The following GRID1 variants were observed in gnomAD, a reference collection of about 807,000 sequenced individuals.
GRID1 encodes the protein glutamate ionotropic receptor delta type subunit 1.
GRID1 carries 28 observed loss-of-function variants against 98.0 expected under a neutral mutation model. The observed-to-expected ratio is 0.29, with a 90% CI of 0.21 to 0.39. The LOEUF (loss-of-function observed/expected upper bound fraction) is 0.39, where lower values mean the gene tolerates loss of function less well. Ranked by LOEUF, GRID1 falls within the 10% of genes least tolerant of loss-of-function variation. The pLI, the probability that GRID1 is intolerant of heterozygous loss-of-function variation, is 1.00. For missense variants in GRID1, 1,111 were observed against 1,340.5 expected, an observed-to-expected ratio of 0.83 and a Z score of 2.67; for synonymous variants, 553 against 538.5, an observed-to-expected ratio of 1.03 and a Z score of -0.37.
At chr10:85,912,509 T>C (rs547998518) in intron 5 of GRID1, among the ~76,000 whole-genome samples, 1 of 149,690 alleles carries the variant, frequency 6.7e-6, no homozygotes, top group South Asian at 2.1e-4. Flanking sequence ...CAAGTGTTTA[T>C]TCTGAATCCA....
intron 5 of GRID1, among the ~76,000 whole-genome samples, chr10:85,913,527 C>A (rs1234781317): frequency 6.6e-6 from 1 of 152,196 alleles, no homozygotes; most frequent in Non-Finnish European, 1.5e-5. Flanking sequence ...TGGTGGCTCA[C>A]GCCTGTATCC....
chr10:85,636,808 C>T (rs1398781759), intron 13 of GRID1, among the ~76,000 whole-genome samples: 1 of 152,086 alleles, frequency 6.6e-6, no homozygotes, highest in Non-Finnish European at 1.5e-5. Context: ...CAAAGCCCTG[C>T]TTTTGGTGAT....
At chr10:86,156,702 G>T (rs1845250623) in intron 3 of GRID1, among the ~76,000 whole-genome samples, 1 of 152,224 alleles carries the variant, frequency 6.6e-6, no homozygotes, top group African/African-American at 2.4e-5. Context: ...GTGATTAATG[G>T]TGCTATGTGG....
At chr10:85,748,084 C>A (rs549997948) in intron 8 of GRID1, among the ~76,000 whole-genome samples, 1 of 152,074 alleles carries the variant, frequency 6.6e-6, no homozygotes, top group Non-Finnish European at 1.5e-5. Context: ...GGTGCACCTG[C>A]CCACCGTGAC....
chr10:85,801,289 T>C (rs1842574730), intron 8 of GRID1, among the ~76,000 whole-genome samples: 1 of 151,906 alleles, frequency 6.6e-6, no homozygotes, highest in East Asian at 1.9e-4. Context: ...TCATAGGCAA[T>C]TTTTACTAAA....
chr10:86,285,855 C>T (rs1437423671), intron 2 of GRID1, among the ~76,000 whole-genome samples: 3 of 152,164 alleles, frequency 2.0e-5, no homozygotes, highest in African/African-American at 7.2e-5. Flanking sequence ...TTTTTCTCAT[C>T]AACATTGTAA....
chr10:85,943,223 T>C (rs573645521), intron 4 of GRID1, among the ~76,000 whole-genome samples: 5 of 152,272 alleles, frequency 3.3e-5, no homozygotes, highest in Admixed American at 3.3e-4. Flanking sequence ...ATATGGGAAC[T>C]TTACAGAAAT....
At chr10:85,928,469 G>A (rs1841805910) in intron 4 of GRID1, among the ~76,000 whole-genome samples, 1 of 152,204 alleles carries the variant, frequency 6.6e-6, no homozygotes, top group Non-Finnish European at 1.5e-5. Context: ...ATCGGCACTG[G>A]CAGGCTTGGC....
intron 8 of GRID1, among the ~76,000 whole-genome samples, chr10:85,791,587 T>C (rs979182920): frequency 4.0e-5 from 6 of 151,880 alleles, no homozygotes; most frequent in African/African-American, 1.5e-4. Flanking sequence ...TGACAATATA[T>C]ATATGAACAG....
intron 3 of GRID1, among the ~76,000 whole-genome samples, chr10:86,202,293 A>G (rs564148172): frequency 9.8e-5 from 15 of 152,360 alleles, no homozygotes; most frequent in Middle Eastern, 3.4e-3. Context: ...AATACCTGGC[A>G]TGCGGTAGGG....
intron 6 of GRID1, among the ~76,000 whole-genome samples, chr10:85,864,111 T>C (rs34716099): frequency 0.27 from 41,492 of 152,082 alleles, 5,960 homozygotes; most frequent in African/African-American, 0.37. Context: ...AGGCAAACAG[T>C]AGGAACTGAC....
At chr10:86,104,905 T>C (rs563860906) in intron 4 of GRID1, among the ~76,000 whole-genome samples, 8 of 152,286 alleles carry the variant, frequency 5.3e-5, no homozygotes, top group South Asian at 4.1e-4. Context: ...AGGTACAGCA[T>C]TGAGAGCAGG....
intron 8 of GRID1, among the ~76,000 whole-genome samples, chr10:85,768,205 C>T (rs1193177578): frequency 1.3e-5 from 2 of 152,172 alleles, no homozygotes; most frequent in Non-Finnish European, 2.9e-5. Context: ...GTTGGAATAA[C>T]TGGATGACCA....
At chr10:85,998,227 A>C (rs1018116562) in intron 4 of GRID1, among the ~76,000 whole-genome samples, 2 of 152,216 alleles carry the variant, frequency 1.3e-5, no homozygotes, top group African/African-American at 2.4e-5. Flanking sequence ...AACGTTCCCC[A>C]AGGAAGTCCA....
intron 4 of GRID1, among the ~76,000 whole-genome samples, chr10:85,974,137 T>C (rs1165493061): frequency 6.6e-6 from 1 of 152,190 alleles, no homozygotes; most frequent in African/African-American, 2.4e-5. Flanking sequence ...AGAACTTGCA[T>C]GCTCACTTTT....
At chr10:85,842,952 AAAAACAAAAC>A (rs1842973672) in intron 8 of GRID1, among the ~76,000 whole-genome samples, 1 of 151,206 alleles carries the variant, frequency 6.6e-6, no homozygotes, top group East Asian at 1.9e-4. Context: ...AAACAAAAAC[AAAAACAAAAC>A]AAAAAAAACC....
At chr10:86,321,541 TG>T (rs1564738336) in intron 2 of GRID1, among the ~76,000 whole-genome samples, 1 of 152,136 alleles carries the variant, frequency 6.6e-6, no homozygotes, top group East Asian at 1.9e-4. Flanking sequence ...GGCAGAAGGT[TG>T]ATGGGTTCGG....
At chr10:85,822,133 A>G (rs1842778543) in intron 8 of GRID1, among the ~76,000 whole-genome samples, 4 of 152,050 alleles carry the variant, frequency 2.6e-5, no homozygotes, top group African/African-American at 7.2e-5. Flanking sequence ...ATGGGCAAGG[A>G]CTTCATGTCT....
intron 2 of GRID1, among the ~76,000 whole-genome samples, chr10:86,276,706 T>C (rs143842272): frequency 3.9e-5 from 6 of 152,060 alleles, no homozygotes; most frequent in Non-Finnish European, 5.9e-5. Context: ...GCCAATCTGG[T>C]CTCAAACTCC....
Sources: allele counts gnomAD v4.1 joint callset (sites outside exome capture counted in the v4.1 genomes callset), GRCh38; gene constraint gnomAD v4.1.1; transcripts MANE v1.5; gene names NCBI Gene and HGNC (gene_info 2026-07-23, HGNC 2026-07-21).